The following TNR variants were observed in gnomAD, a reference collection of about 807,000 sequenced individuals.
The protein encoded by TNR is tenascin R, also known as tenascin-R.
TNR carries 45 observed loss-of-function variants against 150.4 expected under a neutral mutation model. The ratio of observed to expected loss-of-function variants is 0.30; its 90% CI spans 0.24 to 0.38. The LOEUF (loss-of-function observed/expected upper bound fraction) is 0.38. Among genes scored for constraint, TNR ranks in the 10% least tolerant of loss-of-function variants. The pLI, the probability that TNR is intolerant of heterozygous loss-of-function variation, is 1.00. For missense variants in TNR, 1,544 were observed against 1,759.1 expected (o/e 0.88, Z 2.19); for synonymous variants, 687 against 678.4 (o/e 1.01, Z -0.20).
intron 2 of TNR, among the ~76,000 whole-genome samples, chr1:175,503,282 T>G (rs1330873856): frequency 1.3e-5 from 2 of 152,232 alleles, no homozygotes; most frequent in Non-Finnish European, 2.9e-5. Flanking sequence ...ACAGGGCTTA[T>G]GCCTCGGTGC....
At chr1:175,414,989 T>A (rs1654372544) in intron 2 of TNR, among the ~76,000 whole-genome samples, 1 of 146,944 alleles carries the variant, frequency 6.8e-6, no homozygotes, top group Admixed American at 6.8e-5. Context: ...AGCGTGAAGG[T>A]TGTTGGGCAG....
rs1043760525 is a variant in TNR, at chr1:175,403,471, C to A, written c.645G>T (p.Val215=). 1 of 1,614,236 alleles carries A rather than the reference C, an allele frequency of 6.2e-7. No individual in the cohort carries two copies. Among genetic ancestry groups the A allele is most frequent in the Non-Finnish European group, 8.5e-7 (1 of 1,180,048 alleles). ...PLGCSSRGVC[V]DGQCICDSEY... Reference sequence around the variant, plus strand: ...CGCTGTCACAGATGCACTGGCCATCCACACACACCCCCCGGCTGGAGCAAC... The same window carrying A: ...CGCTGTCACAGATGCACTGGCCATCAACACACACCCCCCGGCTGGAGCAAC... The change falls in exon 4 of 23, where the codon GTG becomes GTT. Residue 215 remains valine (V), a synonymous_variant. Coordinates refer to ENST00000367674, the MANE Select transcript of TNR (RefSeq NM_003285.3).
chr1:175,523,457 A>C (rs1367876534), intron 2 of TNR, among the ~76,000 whole-genome samples: 1 of 152,222 alleles, frequency 6.6e-6, no homozygotes, highest in East Asian at 1.9e-4. Context: ...ATTTGAGGAA[A>C]GGGAGACAAA....
At chr1:175,552,685 G>A (rs1162802352) in intron 1 of TNR, among the ~76,000 whole-genome samples, 1 of 152,148 alleles carries the variant, frequency 6.6e-6, no homozygotes, top group African/African-American at 2.4e-5. Context: ...TCTATTTGAA[G>A]TCTTCTAATT....
chr1:175,586,503 G>A (rs1284102952), intron 1 of TNR, among the ~76,000 whole-genome samples: 6 of 152,086 alleles, frequency 3.9e-5, no homozygotes, highest in East Asian at 1.9e-4. Flanking sequence ...GTTTCACCAC[G>A]TTGGCCAGGG....
At chr1:175,489,345 A>G (rs1658146692) in intron 2 of TNR, among the ~76,000 whole-genome samples, 1 of 152,154 alleles carries the variant, frequency 6.6e-6, no homozygotes, top group South Asian at 2.1e-4. Flanking sequence ...CACTCCACAG[A>G]TGGAGGTTAG....
chr1:175,663,170 G>T (rs1410425223), intron 1 of TNR, among the ~76,000 whole-genome samples: 1 of 152,150 alleles, frequency 6.6e-6, no homozygotes, highest in Non-Finnish European at 1.5e-5. Flanking sequence ...ACCTCCTTCA[G>T]CTCCCCAAGC....
chr1:175,461,186 G>T (rs911667906), intron 2 of TNR, among the ~76,000 whole-genome samples: 1 of 152,194 alleles, frequency 6.6e-6, no homozygotes, highest in Non-Finnish European at 1.5e-5. Context: ...CCCTGCAGGG[G>T]TCTGCATTTC....
At chr1:175,630,277 A>G (rs1230940253) in intron 1 of TNR, among the ~76,000 whole-genome samples, 2 of 152,216 alleles carry the variant, frequency 1.3e-5, no homozygotes, top group Non-Finnish European at 2.9e-5. Flanking sequence ...GCCTGCAGAA[A>G]AGAGGAACTC....
chr1:175,567,138 GA>G (rs1661675464), intron 1 of TNR, among the ~76,000 whole-genome samples: 1 of 152,168 alleles, frequency 6.6e-6, no homozygotes, highest in South Asian at 2.1e-4. Context: ...GCCTTGGCAT[GA>G]AAAATTTAAG....
chr1:175,437,631 C>A (rs925087401), intron 2 of TNR, among the ~76,000 whole-genome samples: 3 of 151,940 alleles, frequency 2.0e-5, no homozygotes, highest in Admixed American at 6.6e-5. Context: ...AGACCGCTAG[C>A]AAGACTAATA....
chr1:175,448,276 G>A (rs1380709417), intron 2 of TNR, among the ~76,000 whole-genome samples: 1 of 152,098 alleles, frequency 6.6e-6, no homozygotes, highest in East Asian at 1.9e-4. Flanking sequence ...GGAGTGCAGT[G>A]GTGCAATCTT....
At chr1:175,470,455 C>T (rs1175856311) in intron 2 of TNR, among the ~76,000 whole-genome samples, 1 of 151,972 alleles carries the variant, frequency 6.6e-6, no homozygotes, top group Admixed American at 6.6e-5. Flanking sequence ...CTCCAGACTC[C>T]CATGGTATTT....
At chr1:175,416,129 T>TATACACAC (rs35195740) in intron 2 of TNR, among the ~76,000 whole-genome samples, 4 of 151,350 alleles carry the variant, frequency 2.6e-5, no homozygotes, top group Non-Finnish European at 4.4e-5. Flanking sequence ...TATATATATA[T>TATACACAC]ACACACACAC....
At chr1:175,383,103 G>A (rs1214390943) in intron 8 of TNR, among the ~76,000 whole-genome samples, 3 of 151,976 alleles carry the variant, frequency 2.0e-5, no homozygotes, top group African/African-American at 4.8e-5. Context: ...TCACTATGGT[G>A]TTCTTCTTGT....
chr1:175,558,682 A>T (rs1392617765), intron 1 of TNR, among the ~76,000 whole-genome samples: 1 of 152,236 alleles, frequency 6.6e-6, no homozygotes, highest in East Asian at 1.9e-4. Flanking sequence ...TCTCTTCCAT[A>T]GGAAAAATTT....
rs541421390 is a variant in TNR at position 175,480,923 on chromosome 1, G to A, written c.-64+47346C>T. On this transcript the variant is annotated intron_variant, in intron 2 of 22. Coordinates refer to ENST00000367674, the MANE Select transcript of TNR (RefSeq NM_003285.3). ...CCTTTTATTAATTAAAACTTACATG[G>A]TTCTGTATTTATTCACCCAAAGGTT... Among the ~76,000 whole-genome samples, 35 of 152,118 alleles carry A rather than the reference G, an allele frequency of 2.3e-4. No individual in the cohort carries two copies. In the South Asian group the frequency reaches 6.0e-3, roughly 26 times the overall value.
intron 2 of TNR, among the ~76,000 whole-genome samples, chr1:175,438,110 A>T (rs905865250): frequency 6.6e-6 from 1 of 152,236 alleles, no homozygotes; most frequent in East Asian, 1.9e-4. Flanking sequence ...CTTGATGAAC[A>T]TTGATGCAAA....
intron 1 of TNR, among the ~76,000 whole-genome samples, chr1:175,664,267 G>T (rs541334961): frequency 6.6e-6 from 1 of 152,262 alleles, no homozygotes; most frequent in African/African-American, 2.4e-5. Flanking sequence ...AGAATAGGAT[G>T]ACCTGGTTAT....
Sources: gnomAD v4.1 joint callset for allele counts (sites outside exome capture counted in the v4.1 genomes callset) on GRCh38, gnomAD v4.1.1 for gene constraint, MANE v1.5 for transcripts, NCBI Gene and HGNC (gene_info 2026-07-23, HGNC 2026-07-21) for gene names.